Variants in SPG7 observed in about 807,000 individuals in gnomAD.
SPG7 encodes the protein mitochondrial inner membrane m-AAA protease component paraplegin.
A neutral mutation model predicts 81.9 loss-of-function variants in SPG7; 103 were observed. That is an observed-to-expected ratio of 1.26 (90% CI 1.07 to 1.48). SPG7 has a LOEUF of 1.48. Among genes scored for constraint, SPG7 ranks in the 40% most tolerant of loss-of-function variants. The pLI is 0.00. For synonymous variants in SPG7, 534 were observed against 444.2 expected (o/e 1.20, Z -2.54); for missense variants, 1,241 against 1,087.3 (o/e 1.14, Z -1.99).
At chr16:89,521,171 C>T (rs57505611) in intron 3 of SPG7, 67,777 of 151,986 alleles carry the variant, frequency 0.45, 15,494 homozygotes, top group East Asian at 0.68. Context: ...GAGGAAGACA[C>T]GGAGGCTAGA....
intron 9 of SPG7, among the ~76,000 whole-genome samples, chr16:89,534,508 T>C (rs1447659217): frequency 1.3e-5 from 2 of 152,206 alleles, no homozygotes; most frequent in Non-Finnish European, 2.9e-5. Flanking sequence ...TCTAGTTACA[T>C]TTTAGGTATT....
chr16:89,552,190 C>G (rs1363008478), intron 13 of SPG7: 9 of 152,526 alleles, frequency 5.9e-5, no homozygotes, highest in Admixed American at 2.6e-4. Flanking sequence ...TCCTGCATAG[C>G]TGGGACTACA....
In SPG7 at chr16:89,530,782, G is replaced by T; in HGVS notation, c.961G>T (p.Val321Phe). 1.2e-6 allele frequency: 2 copies of T among 1,614,180 alleles called. No homozygotes were observed. The highest frequency in any genetic ancestry group is 1.7e-6 in the Non-Finnish European group (2 of 1,180,034). ...VAGMHEAKLE[V>F]REFVDYLKSP... is the part of the protein sequence containing the mutation. ...AGGAATGCACGAAGCCAAACTGGAAGTCCGCGAGTTTGTGGATTATCTGAA... is the reference window on the plus strand; with the variant it reads ...AGGAATGCACGAAGCCAAACTGGAATTCCGCGAGTTTGTGGATTATCTGAA... The change falls in exon 7 of 17, where the codon GTC (valine) becomes TTC (phenylalanine). Residue 321 changes from valine to phenylalanine, a missense_variant. By Grantham distance (50) the Val-to-Phe change is conservative. Transcript: ENST00000645818.
chr16:89,555,702 TTGTC>T (rs2058680844), intron 16 of SPG7: 2 of 396,512 alleles, frequency 5.0e-6, no homozygotes, highest in Non-Finnish European at 8.9e-6. Flanking sequence ...TCAGTTGCGA[TTGTC>T]TGATGTGTTT....
At chr16:89,510,640 G>A (rs537402485) in intron 2 of SPG7, 48 bp downstream of exon 2, 40 of 1,110,844 alleles carry the variant, frequency 3.6e-5, no homozygotes, top group Non-Finnish European at 4.8e-5. Context: ...CACACTTACC[G>A]CCTCAGCTAC....
intron 9 of SPG7, chr16:89,541,906 C>T (rs1194209786): frequency 2.0e-5 from 3 of 151,758 alleles, no homozygotes; most frequent in African/African-American, 7.3e-5. Flanking sequence ...CGGTAGGGAG[C>T]ACGTGCCCTG....
At position 89,539,556 on chromosome 16, in the gene SPG7, C is replaced by T. The variant is rs187352067; in HGVS notation, c.1325-5092C>T. 1.3e-4 allele frequency: 20 copies of T among 152,264 alleles called. No homozygotes were observed. The East Asian group carries it at 3.5e-3, about 27-fold the overall frequency. 9.4% of individuals were successfully genotyped at this position (152,264 alleles called of 1,614,324 possible). ...CCTATTCCTAGATCCTAAAGATTTT[C>T]TCCTGTGGGTTTCTTTTTTCTTTTC... On this transcript the variant is annotated intron_variant, in intron 9 of 16. Coordinates refer to ENST00000645818, the MANE Select transcript of SPG7 (RefSeq NM_003119.4).
chr16:89,550,254 C>A, intron 12 of SPG7: 3 of 458,102 alleles, frequency 6.5e-6, no homozygotes, highest in South Asian at 5.8e-5. Context: ...CCTACTGTAA[C>A]CTCCGTCTCT....
intron 3 of SPG7, chr16:89,518,748 C>T (rs561362223): frequency 2.0e-5 from 3 of 152,058 alleles, no homozygotes; most frequent in South Asian, 4.2e-4. Flanking sequence ...AGAGATGGAA[C>T]ACAGATTCGT....
intron 2 of SPG7, among the ~76,000 whole-genome samples, chr16:89,511,945 T>C (rs1373686100): frequency 6.6e-6 from 1 of 152,124 alleles, no homozygotes; most frequent in African/African-American, 2.4e-5. Context: ...GGAGTCTTGC[T>C]CTGTCTCCCA....
chr16:89,548,726 G>A, intron 12 of SPG7: 1 of 354,818 alleles, frequency 2.8e-6, no homozygotes, highest in Non-Finnish European at 5.6e-6. Context: ...GAGGAGAGAG[G>A]ACCAAACTGG....
intron 3 of SPG7, 138 bp from the exon 4 acceptor site, chr16:89,523,868 A>G (rs942928634): frequency 1.8e-6 from 2 of 1,095,520 alleles, no homozygotes; most frequent in African/African-American, 3.1e-5. Context: ...TCAGGGAAGA[A>G]TTGGAGGAAG....
At chr16:89,508,790 G>C (rs2057968879) in intron 1 of SPG7, 190 bp downstream of exon 1, 1 of 735,038 alleles carries the variant, frequency 1.4e-6, no homozygotes, top group Non-Finnish European at 2.4e-6. Context: ...GGCGCTGGGC[G>C]GGCCGGGAAG....
intron 12 of SPG7, chr16:89,549,132 T>C (rs1385983840): frequency 8.8e-6 from 4 of 456,572 alleles, no homozygotes; most frequent in Non-Finnish European, 1.3e-5. Context: ...AAATTTATTT[T>C]CGTGTAACCA....
At chr16:89,525,246 C>G (rs1049181014) in intron 4 of SPG7, among the ~76,000 whole-genome samples, 25 of 152,164 alleles carry the variant, frequency 1.6e-4, no homozygotes, top group African/African-American at 6.0e-4. Flanking sequence ...AGATCACAGG[C>G]GTCAGCCACC....
At chr16:89,549,350 G>A (rs775534852) in intron 12 of SPG7, 13 of 400,108 alleles carry the variant, frequency 3.2e-5, no homozygotes, top group Non-Finnish European at 5.0e-5. Flanking sequence ...AGCTGAACAG[G>A]GGAGATTTAA....
At chr16:89,530,641 C>A in intron 6 of SPG7, 42 bp from the exon 7 acceptor site, 2 of 1,613,898 alleles carry the variant, frequency 1.2e-6, no homozygotes, top group Non-Finnish European at 1.7e-6. Context: ...TGCTGATTTC[C>A]TGACTTCGCC....
chr16:89,532,388 GT>G, intron 8 of SPG7, 74 bp from the exon 9 acceptor site: 1 of 1,544,010 alleles, frequency 6.5e-7, no homozygotes, highest in Non-Finnish European at 8.9e-7. Context: ...GTAGAACTTT[GT>G]CTGGCCCGGG....
At position 89,532,085 on chromosome 16, in the gene SPG7, G is replaced by T. The variant is rs373616259; in HGVS notation, c.1150+19G>T. On this transcript the variant is annotated intron_variant, in intron 8 of 16. Coordinates refer to ENST00000645818, the MANE Select transcript of SPG7 (RefSeq NM_003119.4). ...ATTGGAGGTAGGTGCTGTGGTTGGG[G>T]GCTGTGGGTGGGCTTGGCTGACTAC... 6.2e-7 allele frequency: 1 copy of T among 1,609,990 alleles called. No homozygotes were observed. The highest frequency in any genetic ancestry group is 8.5e-7 in the Non-Finnish European group (1 of 1,179,744).
Sources: gnomAD v4.1 joint callset for allele counts (sites outside exome capture counted in the v4.1 genomes callset) on GRCh38, gnomAD v4.1.1 for gene constraint, MANE v1.5 for transcripts, NCBI Gene and HGNC (gene_info 2026-07-23, HGNC 2026-07-21) for gene names.